Variants in YLPM1 observed in about 807,000 individuals in gnomAD.
YLPM1 encodes YLP motif-containing protein 1.
A neutral mutation model predicts 230.0 loss-of-function variants in YLPM1; 99 were observed. The ratio of observed to expected loss-of-function variants is 0.43; its 90% CI spans 0.37 to 0.51. The LOEUF (loss-of-function observed/expected upper bound fraction) is 0.51. Among genes scored for constraint, YLPM1 ranks in the 20% least tolerant of loss-of-function variants. The pLI, the probability that YLPM1 is intolerant of heterozygous loss-of-function variation, is 0.00. For synonymous variants in YLPM1, 984 were observed against 942.5 expected (o/e 1.04, Z -0.81); for missense variants, 2,592 against 2,707.7 (o/e 0.96, Z 0.95).
At chr14:74,793,051 G>T (rs897385112) in intron 4 of YLPM1, among the ~76,000 whole-genome samples, 1 of 152,090 alleles carries the variant, frequency 6.6e-6, no homozygotes, top group African/African-American at 2.4e-5. Flanking sequence ...CATTGTGTAG[G>T]TGTTATACTG....
rs1027141658 is a variant in YLPM1 at position 74,777,506 on chromosome 14, G to A, written c.874-941G>A. The stretch of plus-strand genomic sequence containing the variant: ...CACTTGAACCTGGGAGGTGGAGGTT[G>A]CAGTGAGCCGAGATCACACCACTGC... On this transcript the variant is annotated intron_variant, in intron 1 of 20. Transcript: ENST00000325680. Among the ~76,000 whole-genome samples, 3 of 151,640 alleles carry A rather than the reference G, an allele frequency of 2.0e-5. No individual in the cohort carries two copies. The South Asian group carries it at 6.2e-4, about 32-fold the overall frequency.
rs1343934101 is a variant in YLPM1, at chr14:74,763,367, T to C, written c.-123T>C. The C allele has an allele frequency of 2.4e-6, 3 of 1,234,458 alleles. No individual in the cohort carries two copies. In the African/African-American group the frequency reaches 4.7e-5, roughly 19 times the overall value. The allele number at this position is 1,234,458 out of a possible 1,614,324, so 76.5% of individuals were successfully genotyped here. A position where few individuals can be genotyped will look rare whatever the true frequency, so the allele number is the denominator to read the frequency against. On this transcript the variant is annotated 5_prime_UTR_variant, in exon 1 of 21. Transcript: ENST00000325680. ...AGCGCCGGCGCACTGGCGCGCTCCG[T>C]TTACACGCTCCGGGGCCTGTAGGCG...
chr14:74,808,761 G>A (rs928478216), intron 6 of YLPM1, among the ~76,000 whole-genome samples: 5 of 149,402 alleles, frequency 3.3e-5, no homozygotes, highest in African/African-American at 9.9e-5. Flanking sequence ...CTGAGATCGC[G>A]CCATTGCAGT....
At chr14:74,829,132 C>T in intron 18 of YLPM1, 81 bp from the exon 19 acceptor site, 2 of 1,559,676 alleles carry the variant, frequency 1.3e-6, no homozygotes, top group Non-Finnish European at 1.7e-6. Flanking sequence ...GAAAGCGTTC[C>T]AGCCTTCTTT....
chr14:74,766,248 A>T (rs1324482923), intron 1 of YLPM1, among the ~76,000 whole-genome samples: 1 of 152,210 alleles, frequency 6.6e-6, no homozygotes, highest in Non-Finnish European at 1.5e-5. Flanking sequence ...GGTTTATTAG[A>T]TGATAAATAT....
intron 10 of YLPM1, among the ~76,000 whole-genome samples, chr14:74,812,247 T>G (rs1432300958): frequency 3.3e-5 from 5 of 152,222 alleles, no homozygotes; most frequent in African/African-American, 1.2e-4. Context: ...ATACCTATTT[T>G]TAGGAACAGG....
At chr14:74,834,026 A>G (rs1444600996) in intron 19 of YLPM1, among the ~76,000 whole-genome samples, 1 of 152,126 alleles carries the variant, frequency 6.6e-6, no homozygotes, top group Non-Finnish European at 1.5e-5. Context: ...CAGAATATGT[A>G]TATCTCCATA....
intron 16 of YLPM1, among the ~76,000 whole-genome samples, chr14:74,819,901 C>G (rs1444366662): frequency 6.6e-6 from 1 of 152,192 alleles, no homozygotes; most frequent in Non-Finnish European, 1.5e-5. Context: ...AGGGCTCCAT[C>G]CTAGGCTCTG....
chr14:74,779,641 C>CT (rs10715703), intron 2 of YLPM1, among the ~76,000 whole-genome samples: 4,013 of 140,368 alleles, frequency 0.029, 71 homozygotes, highest in African/African-American at 0.037. Context: ...TTAAGGTTCA[C>CT]TTTTTTTTTT....
At chr14:74,782,366 T>A in intron 4 of YLPM1, 41 bp downstream of exon 4, 1 of 1,492,028 alleles carries the variant, frequency 6.7e-7, no homozygotes, top group Non-Finnish European at 8.8e-7. Flanking sequence ...GGTTTGGCTA[T>A]TTTATTGACT....
At position 74,810,360 on chromosome 14, in the gene YLPM1, G is replaced by A. The variant is rs554954644; in HGVS notation, c.5168G>A (p.Arg1723His). The change falls in exon 9 of 21, where the codon CGT (arginine) becomes CAT (histidine). Residue 1723 changes from arginine to histidine, a missense_variant. Transcript: ENST00000325680. ...RETHRDRDRD[R>H]GVIDYDRDRF... The stretch of plus-strand genomic sequence containing the variant: ...ACACATAGAGATCGAGACCGGGATC[G>A]TGGTGTTATTGACTATGACCGGGAT... 2.5e-6 allele frequency: 4 copies of A among 1,613,718 alleles called. No homozygotes were observed. The highest frequency in any genetic ancestry group is 1.7e-5 in the Admixed American group (1 of 59,996).
intron 18 of YLPM1, among the ~76,000 whole-genome samples, chr14:74,824,540 T>G (rs1014210778): frequency 1.3e-5 from 2 of 152,124 alleles, no homozygotes; most frequent in African/African-American, 4.8e-5. Flanking sequence ...AACAGAAATA[T>G]TTGATAATTT....
intron 6 of YLPM1, among the ~76,000 whole-genome samples, chr14:74,803,857 A>G (rs2091352007): frequency 6.6e-6 from 1 of 152,138 alleles, no homozygotes; most frequent in East Asian, 1.9e-4. Context: ...GATGTATACC[A>G]AAAGATAAAA....
chr14:74,779,258 C>T (rs2091070455), intron 2 of YLPM1, among the ~76,000 whole-genome samples: 1 of 152,172 alleles, frequency 6.6e-6, no homozygotes, highest in Admixed American at 6.5e-5. Context: ...TTCATAGTGA[C>T]AGCACAGGGC....
Position 74,816,387 on chromosome 14 carries a change from G to A in YLPM1, c.5565+122G>A, listed in dbSNP as rs915224540. 5.5e-6 allele frequency: 7 copies of A among 1,276,652 alleles called. No homozygotes were observed. The African/African-American group carries it at 1.1e-4, about 19-fold the overall frequency. 79.1% of individuals were successfully genotyped at this position (1,276,652 alleles called of 1,614,324 possible). ...ATTGTCTTCCATTTGATCCATTACA[G>A]TTGGCCCATGTGGTAGATGTTGTCC... is the stretch of plus-strand genomic sequence containing the variant. On this transcript the variant is annotated intron_variant, in intron 12 of 20. Transcript: ENST00000325680.
At position 74,782,054 on chromosome 14, in the gene YLPM1, C is replaced by T. The variant is rs759140718; in HGVS notation, c.2011C>T (p.Leu671Phe). 1 of 1,614,048 alleles carries T rather than the reference C, an allele frequency of 6.2e-7. No individual in the cohort carries two copies. Among genetic ancestry groups the T allele is most frequent in the Non-Finnish European group, 8.5e-7 (1 of 1,179,900 alleles). ...QVPEKPRPALLPTPVSFGSAP... is the reference protein window; with the variant it reads ...QVPEKPRPALFPTPVSFGSAP... The stretch of plus-strand genomic sequence containing the variant: ...TCCAGAGAAACCTAGACCAGCACTG[C>T]TTCCTACTCCTGTGTCTTTTGGTTC... The change falls in exon 4 of 21, where the codon CTT (leucine) becomes TTT (phenylalanine). Residue 671 changes from leucine to phenylalanine, a missense_variant. Physicochemically the swap from Leu to Phe is conservative, Grantham distance 22. Transcript: ENST00000325680.
chr14:74,817,731 C>CT (rs1267704324), intron 15 of YLPM1, among the ~76,000 whole-genome samples: 4 of 151,768 alleles, frequency 2.6e-5, no homozygotes, highest in Admixed American at 2.6e-4. Context: ...GTTTCTCTTC[C>CT]TTTGTTTCTT....
chr14:74,763,546 C>A lies in YLPM1; in HGVS notation c.57C>A (p.Val19=). 1 of 1,535,608 alleles carries A rather than the reference C, an allele frequency of 6.5e-7. No homozygotes were observed. The highest frequency in any genetic ancestry group is 8.8e-7 in the Non-Finnish European group (1 of 1,140,182). The part of the protein sequence containing the change: ...GGSSHYPPPP[V]PPPPPVALPE... ...GCAGCCACTATCCGCCGCCACCGGT[C>A]CCACCGCCGCCGCCAGTGGCGCTTC... The change falls in exon 1 of 21, where the codon GTC becomes GTA. Residue 19 remains valine (V), a synonymous_variant. Coordinates refer to ENST00000325680, the MANE Select transcript of YLPM1 (RefSeq NM_019589.3).
intron 4 of YLPM1, among the ~76,000 whole-genome samples, chr14:74,795,541 A>T (rs1243484979): frequency 6.6e-6 from 1 of 152,172 alleles, no homozygotes; most frequent in Non-Finnish European, 1.5e-5. Flanking sequence ...CTATCATTTT[A>T]TTTCTACTGG....
Sources: gnomAD v4.1 joint callset for allele counts (sites outside exome capture counted in the v4.1 genomes callset) on GRCh38, gnomAD v4.1.1 for gene constraint, MANE v1.5 for transcripts, NCBI Gene and HGNC (gene_info 2026-07-23, HGNC 2026-07-21) for gene names.